The following MPRIP variants were observed in gnomAD, a reference collection of about 807,000 sequenced individuals.
MPRIP encodes the protein myosin phosphatase Rho-interacting protein.
MPRIP carries 59 observed loss-of-function variants against 234.9 expected under a neutral mutation model. That is an observed-to-expected ratio of 0.25 (90% CI 0.20 to 0.31). The LOEUF is 0.31. Among genes scored for constraint, MPRIP ranks in the 10% least tolerant of loss-of-function variants. The pLI, the probability that MPRIP is intolerant of heterozygous loss-of-function variation, is 1.00. For synonymous variants in MPRIP, 1,144 were observed against 1,263.9 expected (o/e 0.91, Z 2.01); for missense variants, 2,436 against 3,071.0 (o/e 0.79, Z 4.89).
At chr17:17,111,086 T>C (rs2090158447) in intron 3 of MPRIP, among the ~76,000 whole-genome samples, 1 of 151,644 alleles carries the variant, frequency 6.6e-6, no homozygotes, top group African/African-American at 2.4e-5. Context: ...TCACACACTC[T>C]TGTCTTCTTT....
In MPRIP at chr17:17,154,432, A is replaced by G. The variant is rs759437578; in HGVS notation, c.1829+17A>G. 3.7e-6 allele frequency: 6 copies of G among 1,610,620 alleles called. No individual in the cohort carries two copies. Among genetic ancestry groups the G allele is most frequent in the Non-Finnish European group, 5.1e-6 (6 of 1,176,908 alleles). On this transcript the variant is annotated intron_variant, in intron 13 of 23. Coordinates refer to ENST00000651222, the MANE Select transcript of MPRIP (RefSeq NM_001364716.4). ...TGTGACCAGGTAGGATGGTGAAGAC[A>G]CCAGGGAGCCCTTTGTGCCTCTTGT...
intron 1 of MPRIP, among the ~76,000 whole-genome samples, chr17:17,066,014 G>A (rs958354637): frequency 7.9e-5 from 12 of 152,192 alleles, no homozygotes; most frequent in African/African-American, 2.7e-4. Flanking sequence ...CTGAAACTTT[G>A]TTGAACTCAC....
intron 3 of MPRIP, among the ~76,000 whole-genome samples, chr17:17,110,134 T>A (rs545899672): frequency 1.3e-5 from 2 of 152,150 alleles, no homozygotes; most frequent in African/African-American, 4.8e-5. Flanking sequence ...GACCTTGTTG[T>A]TAAAAAGTGC....
At chr17:17,112,491 G>A (rs569920294) in intron 3 of MPRIP, among the ~76,000 whole-genome samples, 2 of 152,216 alleles carry the variant, frequency 1.3e-5, no homozygotes, top group Non-Finnish European at 2.9e-5. Flanking sequence ...GGATTTGGGG[G>A]ATGGTGGCCC....
At chr17:17,162,607 C>T (rs528091537) in intron 15 of MPRIP, among the ~76,000 whole-genome samples, 35 of 152,330 alleles carry the variant, frequency 2.3e-4, no homozygotes, top group African/African-American at 8.2e-4. Context: ...AGGTCATTTG[C>T]GCTTGCCCTC....
chr17:17,072,364 T>A (rs1041380512), intron 1 of MPRIP, among the ~76,000 whole-genome samples: 1 of 151,918 alleles, frequency 6.6e-6, no homozygotes, highest in African/African-American at 2.4e-5. Flanking sequence ...TCACCTCCAC[T>A]CCCTCTGCAC....
chr17:17,136,056 A>G (rs1199617355), intron 5 of MPRIP, among the ~76,000 whole-genome samples, 163 bp from the exon 6 acceptor site: 1 of 152,196 alleles, frequency 6.6e-6, no homozygotes, highest in Non-Finnish European at 1.5e-5. Flanking sequence ...CTCCAAAGCA[A>G]CTACTGTGGT....
chr17:17,084,610 T>A (rs1013557244), intron 3 of MPRIP, among the ~76,000 whole-genome samples: 7 of 152,228 alleles, frequency 4.6e-5, no homozygotes, highest in Non-Finnish European at 7.3e-5. Flanking sequence ...CACCAAGTGA[T>A]CTTGTCCTTC....
At chr17:17,142,945 G>T (rs1056495863) in intron 8 of MPRIP, among the ~76,000 whole-genome samples, 180 bp downstream of exon 8, 1 of 152,126 alleles carries the variant, frequency 6.6e-6, no homozygotes, top group Non-Finnish European at 1.5e-5. Context: ...CTTCATATCA[G>T]AGCCTTCTCC....
intron 3 of MPRIP, among the ~76,000 whole-genome samples, chr17:17,119,759 A>G (rs1047366239): frequency 6.6e-6 from 1 of 152,188 alleles, no homozygotes; most frequent in Non-Finnish European, 1.5e-5. Flanking sequence ...CTCAGCCCCA[A>G]AGTTTGCAGA....
chr17:17,128,581 G>T (rs965613549), intron 4 of MPRIP, among the ~76,000 whole-genome samples: 2 of 152,018 alleles, frequency 1.3e-5, no homozygotes, highest in African/African-American at 4.8e-5. Context: ...TGCCATCTGG[G>T]CCCTACGTGT....
rs531160122 is a variant in MPRIP, at chr17:17,057,468, C to T, written c.123+14497C>T. Among the ~76,000 whole-genome samples the T allele has an allele frequency of 9.9e-5, 15 of 152,248 alleles. No individual in the cohort carries two copies. In the East Asian group the frequency reaches 2.7e-3, roughly 27 times the overall value. ...GCATGGGAGCTGAAGGCTGGAGACCCCAGGGAGACGCGGTGCCTTCCCAGT... is the reference window on the plus strand; with the variant it reads ...GCATGGGAGCTGAAGGCTGGAGACCTCAGGGAGACGCGGTGCCTTCCCAGT... On this transcript the variant is annotated intron_variant, in intron 1 of 23. Transcript: ENST00000651222.
intron 16 of MPRIP, 92 bp from the exon 17 acceptor site, chr17:17,171,626 G>C: frequency 6.6e-7 from 1 of 1,506,946 alleles, no homozygotes; most frequent in Non-Finnish European, 8.9e-7. Flanking sequence ...GCTGGGCCTG[G>C]ACAGGGTGGG....
At chr17:17,059,249 A>G (rs1161978448) in intron 1 of MPRIP, among the ~76,000 whole-genome samples, 1 of 152,208 alleles carries the variant, frequency 6.6e-6, no homozygotes, top group Non-Finnish European at 1.5e-5. Flanking sequence ...CAGAGCTTCT[A>G]CAGTCTGTGG....
In MPRIP at chr17:17,165,602, G is replaced by T. The variant is rs759835181; in HGVS notation, c.4011G>T (p.Gly1337=). 6.1e-6 allele frequency: 8 copies of T among 1,304,866 alleles called. No individual in the cohort carries two copies. In the South Asian group the frequency reaches 8.6e-5, roughly 14 times the overall value. 80.8% of individuals were successfully genotyped at this position (1,304,866 alleles called of 1,614,324 possible). Residue 1337 remains glycine (G), a synonymous_variant, in exon 16 of 24, where the codon GGG becomes GGT. Coordinates refer to ENST00000651222, the MANE Select transcript of MPRIP (RefSeq NM_001364716.4). ...IQCQRYIHPE[G]SEKTWTSSTS... is the part of the protein sequence containing the mutation. Reference sequence around the variant, plus strand: ...GCCAAAGATACATTCACCCCGAAGGGTCTGAGAAGACCTGGACCAGCAGCA... The same window carrying T: ...GCCAAAGATACATTCACCCCGAAGGTTCTGAGAAGACCTGGACCAGCAGCA...
chr17:17,088,317 T>C (rs1440397926), intron 3 of MPRIP, among the ~76,000 whole-genome samples: 1 of 152,194 alleles, frequency 6.6e-6, no homozygotes, highest in Admixed American at 6.5e-5. Context: ...GCAGCAGCTG[T>C]GACGGTACCC....
intron 1 of MPRIP, among the ~76,000 whole-genome samples, chr17:17,059,418 C>A (rs763900145): frequency 6.6e-6 from 1 of 152,224 alleles, no homozygotes; most frequent in Admixed American, 6.5e-5. Flanking sequence ...GACCACTGGT[C>A]GAGCTTAAGT....
intron 1 of MPRIP, among the ~76,000 whole-genome samples, chr17:17,048,304 G>T (rs931376660): frequency 1.4e-4 from 22 of 152,140 alleles, no homozygotes; most frequent in African/African-American, 5.3e-4. Context: ...AAAGCTGCGG[G>T]GGCCTCAGGT....
At chr17:17,154,445 T>G in intron 13 of MPRIP, 30 bp downstream of exon 13, 1 of 1,594,560 alleles carries the variant, frequency 6.3e-7, no homozygotes, top group Non-Finnish European at 8.6e-7. Flanking sequence ...AGGGAGCCCT[T>G]TGTGCCTCTT....
Sources: allele counts gnomAD v4.1 joint callset (sites outside exome capture counted in the v4.1 genomes callset), GRCh38; gene constraint gnomAD v4.1.1; transcripts MANE v1.5; gene names NCBI Gene and HGNC (gene_info 2026-07-23, HGNC 2026-07-21).